The following SUGCT variants were observed in gnomAD, a reference collection of about 807,000 sequenced individuals.
SUGCT encodes succinyl-CoA:glutarate CoA-transferase.
In SUGCT, 41 loss-of-function variants were observed where a neutral mutation model predicts 55.0. The ratio of observed to expected loss-of-function variants is 0.74; its 90% CI spans 0.58 to 0.97. The LOEUF (loss-of-function observed/expected upper bound fraction) is 0.97, where lower values mean the gene tolerates loss of function less well. SUGCT is among the 50% of genes least tolerant of loss of function. The pLI is 0.00. For missense variants in SUGCT, 568 were observed against 547.8 expected, an observed-to-expected ratio of 1.04 and a Z score of -0.37; for synonymous variants, 187 against 200.4, an observed-to-expected ratio of 0.93 and a Z score of 0.56.
chr7:40,894,110 C>T, the SUGCT span, among the ~76,000 whole-genome samples: 1 of 150,990 alleles, frequency 6.6e-6, no homozygotes, highest in African/African-American at 2.4e-5. Flanking sequence ...ACCAAAACAG[C>T]ATGGTACTGA....
chr7:40,761,389 C>T (rs1417882026), intron 13 of SUGCT, among the ~76,000 whole-genome samples: 1 of 152,200 alleles, frequency 6.6e-6, no homozygotes, highest in Non-Finnish European at 1.5e-5. Flanking sequence ...TCATAGATAA[C>T]ACTGTAACAG....
intron 1 of SUGCT, chr7:40,153,625 T>C (rs1348884448): frequency 1.1e-5 from 6 of 522,904 alleles, no homozygotes; most frequent in Admixed American, 9.8e-5. Flanking sequence ...TATGTTATAA[T>C]AGTCGATCCA....
chr7:40,968,989 G>A, the SUGCT span, among the ~76,000 whole-genome samples: 49,563 of 152,150 alleles, frequency 0.33, 8,904 homozygotes, highest in Admixed American at 0.44. Context: ...AGAAGCCCCT[G>A]AGGCTGTCCT....
intron 12 of SUGCT, among the ~76,000 whole-genome samples, chr7:40,644,245 C>T (rs776006981): frequency 2.0e-5 from 3 of 152,118 alleles, no homozygotes; most frequent in Non-Finnish European, 2.9e-5. Context: ...CCCCATATAG[C>T]GAACACCCTG....
At chr7:41,037,424 A>C in the SUGCT span, among the ~76,000 whole-genome samples, 1 of 151,764 alleles carries the variant, frequency 6.6e-6, no homozygotes, top group African/African-American at 2.4e-5. Context: ...GCTGAATGAT[A>C]CTTTAAAAAA....
chr7:40,360,479 G>T (rs1309749365), intron 9 of SUGCT, among the ~76,000 whole-genome samples: 1 of 152,074 alleles, frequency 6.6e-6, no homozygotes, highest in Admixed American at 6.5e-5. Flanking sequence ...CCAAGCGCTG[G>T]GTCTACAGTG....
chr7:41,011,690 C>T, the SUGCT span, among the ~76,000 whole-genome samples: 2 of 152,048 alleles, frequency 1.3e-5, no homozygotes, highest in Admixed American at 6.5e-5. Flanking sequence ...AATTATAATC[C>T]CACAGGACAG....
chr7:40,421,602 T>A (rs547118771), intron 9 of SUGCT, among the ~76,000 whole-genome samples: 1 of 152,302 alleles, frequency 6.6e-6, no homozygotes, highest in African/African-American at 2.4e-5. Flanking sequence ...TAGTGGTGAG[T>A]CATACAGTGG....
rs373306168 is a variant in SUGCT, at chr7:40,411,199, C to G, written c.817-38088C>G. 6.9e-4 allele frequency among the ~76,000 whole-genome samples: 105 copies of G among 152,202 alleles called. 4 individuals carry two copies. In the South Asian group the frequency reaches 0.022, roughly 32 times the overall value. ...CTTGAGGTCAGGAGTTCAAGACCAA[C>G]CTGGCCAACATGGTGAAACCCCATC... On this transcript the variant is annotated intron_variant, in intron 9 of 13. Transcript: ENST00000335693.
chr7:40,380,594 A>G (rs1018170268), intron 9 of SUGCT, among the ~76,000 whole-genome samples: 2 of 152,144 alleles, frequency 1.3e-5, no homozygotes, highest in Non-Finnish European at 2.9e-5. Context: ...CATCCCCTAG[A>G]TTCTACTTCC....
At chr7:40,772,549 T>G in intron 13 of SUGCT, among the ~76,000 whole-genome samples, 3 of 148,586 alleles carry the variant, frequency 2.0e-5, no homozygotes, top group Admixed American at 6.8e-5. Context: ...TATCTATCTA[T>G]CTATCTATCT....
chr7:40,701,942 GT>G (rs1489498407), intron 12 of SUGCT, among the ~76,000 whole-genome samples: 1 of 152,228 alleles, frequency 6.6e-6, no homozygotes, highest in Admixed American at 6.5e-5. Flanking sequence ...CCATGGTTCT[GT>G]CCCTTTGCTG....
At chr7:40,438,268 C>A (rs1788283300) in intron 9 of SUGCT, among the ~76,000 whole-genome samples, 1 of 152,152 alleles carries the variant, frequency 6.6e-6, no homozygotes, top group African/African-American at 2.4e-5. Context: ...GTGGTCACAT[C>A]TTCTGTGTGG....
chr7:40,266,185 CT>C (rs10685507), intron 7 of SUGCT, among the ~76,000 whole-genome samples: 3 of 116,812 alleles, frequency 2.6e-5, no homozygotes, highest in Admixed American at 1.0e-4. Context: ...CTTTCCTTTC[CT>C]TTTTTTTTTT....
At chr7:40,676,402 A>G (rs1783977880) in intron 12 of SUGCT, among the ~76,000 whole-genome samples, 2 of 152,138 alleles carry the variant, frequency 1.3e-5, no homozygotes, top group South Asian at 4.1e-4. Flanking sequence ...CATGGGCTAA[A>G]TAGGAAAAGT....
chr7:40,933,914 G>A, the SUGCT span, among the ~76,000 whole-genome samples: 2 of 152,066 alleles, frequency 1.3e-5, no homozygotes, highest in South Asian at 2.1e-4. Flanking sequence ...TGTTATTACC[G>A]ACCTTCCGAA....
chr7:40,828,376 TC>T (rs1792462501), intron 13 of SUGCT, among the ~76,000 whole-genome samples: 1 of 152,062 alleles, frequency 6.6e-6, no homozygotes, highest in South Asian at 2.1e-4. Flanking sequence ...TTTAATATTG[TC>T]ACAACATTGA....
the SUGCT span, among the ~76,000 whole-genome samples, chr7:40,931,077 T>C: frequency 6.6e-6 from 1 of 152,202 alleles, no homozygotes; most frequent in African/African-American, 2.4e-5. Context: ...ATAGCTCTTA[T>C]TGTTTTGAGA....
At chr7:40,932,875 A>G in the SUGCT span, among the ~76,000 whole-genome samples, 2 of 148,998 alleles carry the variant, frequency 1.3e-5, no homozygotes, top group Non-Finnish European at 3.0e-5. Context: ...ATGGGTTTTG[A>G]CTCTTTATCA....
Sources: allele counts gnomAD v4.1 joint callset (sites outside exome capture counted in the v4.1 genomes callset), GRCh38; gene constraint gnomAD v4.1.1; transcripts MANE v1.5; gene names NCBI Gene and HGNC (gene_info 2026-07-23, HGNC 2026-07-21).